Variants in SYNE1 observed in about 807,000 individuals in gnomAD.
The protein encoded by SYNE1 is spectrin repeat containing nuclear envelope protein 1.
SYNE1 carries 616 observed loss-of-function variants against 1,111.0 expected under a neutral mutation model. That is an observed-to-expected ratio of 0.55 (90% CI 0.52 to 0.59). The LOEUF is 0.59. Ranked by LOEUF, SYNE1 falls within the 20% of genes least tolerant of loss-of-function variation. The pLI, the probability that SYNE1 is intolerant of heterozygous loss-of-function variation, is 0.00. For missense variants in SYNE1, 10,006 were observed against 10,417.0 expected, an observed-to-expected ratio of 0.96 and a Z score of 1.72; for synonymous variants, 3,855 against 3,825.8, an observed-to-expected ratio of 1.01 and a Z score of -0.28.
intron 56 of SYNE1, among the ~76,000 whole-genome samples, chr6:152,378,745 C>A (rs913624547): frequency 6.6e-6 from 1 of 152,152 alleles, no homozygotes; most frequent in African/African-American, 2.4e-5. Flanking sequence ...GTACCCCCTG[C>A]CCTCCTTCCC....
At chr6:152,344,306 G>T (rs2096592834) in intron 73 of SYNE1, 79 bp from the exon 74 acceptor site, 12 of 1,582,380 alleles carry the variant, frequency 7.6e-6, no homozygotes, top group South Asian at 1.1e-5. Flanking sequence ...AATGAAACAT[G>T]ACCAGTACAT....
chr6:152,198,047 A>T (rs2074547585), intron 127 of SYNE1, among the ~76,000 whole-genome samples: 1 of 150,732 alleles, frequency 6.6e-6, no homozygotes, highest in Non-Finnish European at 1.5e-5. Context: ...GGAAGGTTAA[A>T]AGGAAAGACG....
At position 152,231,424 on chromosome 6, in the gene SYNE1, A is replaced by G. The variant is rs750474052; in HGVS notation, c.21006T>C (p.Ser7002=). The G allele has an allele frequency of 2.5e-6, 4 of 1,614,148 alleles. No individual in the cohort carries two copies. The highest frequency in any genetic ancestry group is 1.3e-5 in the African/African-American group (1 of 75,040). The change falls in exon 114 of 146, where the codon AGT becomes AGC. Residue 7002 remains serine, a synonymous_variant. Transcript: ENST00000367255. Reference sequence around the variant, plus strand: ...TTACTAGACCTTGCAGAATTTGCCAACTTTTATTCATTGCTCCAAGTTGCT... The same window carrying G: ...TTACTAGACCTTGCAGAATTTGCCAGCTTTTATTCATTGCTCCAAGTTGCT... ...FAEQLGAMNK[S]WQILQGLVTE...
intron 13 of SYNE1, 70 bp downstream of exon 13, chr6:152,484,765 A>T: frequency 6.5e-7 from 1 of 1,545,784 alleles, no homozygotes; most frequent in Non-Finnish European, 8.9e-7. Flanking sequence ...CACTGTGTAG[A>T]AATAGATGAT....
chr6:152,546,623 A>C (rs2128092049), intron 3 of SYNE1: 1 of 152,322 alleles, frequency 6.6e-6, no homozygotes, highest in East Asian at 1.9e-4. Context: ...AAACCTCAAG[A>C]ATAAGAAATA....
intron 29 of SYNE1, among the ~76,000 whole-genome samples, chr6:152,445,069 G>A (rs1363022434): frequency 6.6e-6 from 1 of 151,778 alleles, no homozygotes; most frequent in Non-Finnish European, 1.5e-5. Context: ...TATTCGATAT[G>A]GTGCTCTGGG....
intron 3 of SYNE1, among the ~76,000 whole-genome samples, chr6:152,583,210 A>G (rs912986813): frequency 6.6e-6 from 1 of 152,200 alleles, no homozygotes; most frequent in Non-Finnish European, 1.5e-5. Flanking sequence ...TTAAGGAACC[A>G]CTGTGTGTTG....
At chr6:152,636,265 C>T (rs867991459) in intron 2 of SYNE1, among the ~76,000 whole-genome samples, 2 of 152,096 alleles carry the variant, frequency 1.3e-5, no homozygotes, top group Non-Finnish European at 2.9e-5. Context: ...CTGTTCAACG[C>T]CCTACCTCTC....
chr6:152,621,980 A>G (rs1421201587), intron 3 of SYNE1, among the ~76,000 whole-genome samples: 1 of 152,192 alleles, frequency 6.6e-6, no homozygotes, highest in African/African-American at 2.4e-5. Flanking sequence ...AATTGATTTA[A>G]TTGGTTAATT....
intron 21 of SYNE1, among the ~76,000 whole-genome samples, chr6:152,459,536 T>C (rs909196047): frequency 1.3e-5 from 2 of 152,206 alleles, no homozygotes; most frequent in African/African-American, 4.8e-5. Flanking sequence ...AAGCTTCCCA[T>C]GCTAGGGGAG....
chr6:152,586,747 G>A (rs528264743), intron 3 of SYNE1, among the ~76,000 whole-genome samples: 2 of 151,942 alleles, frequency 1.3e-5, no homozygotes, highest in East Asian at 3.9e-4. Context: ...TTTTGCATTT[G>A]GATGGGTACA....
At chr6:152,183,719 C>G (rs1375686663) in intron 128 of SYNE1, among the ~76,000 whole-genome samples, 2 of 152,212 alleles carry the variant, frequency 1.3e-5, no homozygotes, top group Admixed American at 6.5e-5. Flanking sequence ...TCACCAATAT[C>G]TGCAGGGAGG....
chr6:152,351,890 A>T, intron 70 of SYNE1, 137 bp downstream of exon 70: 1 of 767,208 alleles, frequency 1.3e-6, no homozygotes, highest in Non-Finnish European at 2.2e-6. Flanking sequence ...TCATGGCATC[A>T]CTGGTCAGCT....
intron 63 of SYNE1, among the ~76,000 whole-genome samples, chr6:152,363,390 A>C (rs1302918481): frequency 2.7e-5 from 4 of 150,188 alleles, no homozygotes; most frequent in Admixed American, 1.3e-4. Context: ...GCTACTCGAG[A>C]GGCTGAGGCA....
At chr6:152,586,437 C>A (rs1253705403) in intron 3 of SYNE1, among the ~76,000 whole-genome samples, 2 of 152,148 alleles carry the variant, frequency 1.3e-5, no homozygotes, top group East Asian at 3.9e-4. Flanking sequence ...TTCTTAAATT[C>A]TCTTGCTGTT....
intron 9 of SYNE1, among the ~76,000 whole-genome samples, chr6:152,504,587 T>G (rs2099047664): frequency 6.6e-6 from 1 of 152,200 alleles, no homozygotes; most frequent in South Asian, 2.1e-4. Context: ...AAATTATCTG[T>G]GACATTTGGA....
intron 101 of SYNE1, among the ~76,000 whole-genome samples, chr6:152,257,483 A>G (rs1363507899): frequency 6.6e-6 from 1 of 152,224 alleles, no homozygotes; most frequent in Non-Finnish European, 1.5e-5. Context: ...GTGAGCTGAG[A>G]TCACACCACT....
chr6:152,217,039 C>T (rs917770109), intron 121 of SYNE1, among the ~76,000 whole-genome samples: 5 of 133,926 alleles, frequency 3.7e-5, no homozygotes, highest in South Asian at 2.4e-4. Context: ...CTCCAGCCTG[C>T]GCAATAGAGC....
chr6:152,200,968 G>T (rs976871051), intron 127 of SYNE1, among the ~76,000 whole-genome samples: 23 of 152,202 alleles, frequency 1.5e-4, no homozygotes, highest in African/African-American at 5.5e-4. Context: ...AAATGCTTAG[G>T]ATTTCTTTGC....
Sources: allele counts gnomAD v4.1 joint callset (sites outside exome capture counted in the v4.1 genomes callset), GRCh38; gene constraint gnomAD v4.1.1; transcripts MANE v1.5; gene names NCBI Gene and HGNC (gene_info 2026-07-23, HGNC 2026-07-21).